Variants in B4GALT6 observed in about 807,000 individuals in gnomAD.
The protein encoded by B4GALT6 is UDP-Gal:beta-GlcNAc beta-1,4-galactosyltransferase 6.
A neutral mutation model predicts 46.3 loss-of-function variants in B4GALT6; 14 were observed. The observed-to-expected ratio is 0.30, with a 90% confidence interval of 0.20 to 0.47. The LOEUF (loss-of-function observed/expected upper bound fraction) is 0.47, where lower values mean the gene tolerates loss of function less well. Among genes scored for constraint, B4GALT6 ranks in the 20% least tolerant of loss-of-function variants. The pLI is 0.99. For synonymous variants in B4GALT6, 168 were observed against 162.0 expected (o/e 1.04, Z -0.28); for missense variants, 386 against 480.1 (o/e 0.80, Z 1.83).
At chr18:31,694,866 A>G in the B4GALT6 span, among the ~76,000 whole-genome samples, 1 of 152,230 alleles carries the variant, frequency 6.6e-6, no homozygotes, top group African/African-American at 2.4e-5. Flanking sequence ...CATACTAGTT[A>G]TCCCAGACCC....
chr18:31,689,707 G>A (rs543096843), upstream of B4GALT6, among the ~76,000 whole-genome samples: 95 of 152,214 alleles, frequency 6.2e-4, 1 homozygote, highest in South Asian at 0.012. Context: ...TCACACCACC[G>A]CACTCCATCC....
At chr18:31,702,296 A>T in the B4GALT6 span, among the ~76,000 whole-genome samples, 6 of 152,344 alleles carry the variant, frequency 3.9e-5, no homozygotes, top group East Asian at 7.7e-4. Context: ...CCTGCAGTTA[A>T]CACTTATATA....
chr18:31,702,196 C>T, the B4GALT6 span, among the ~76,000 whole-genome samples: 1 of 152,228 alleles, frequency 6.6e-6, no homozygotes, highest in African/African-American at 2.4e-5. Context: ...TAGACTAATA[C>T]AGACCTCTAA....
chr18:31,652,289 T>C (rs953266986), intron 3 of B4GALT6, among the ~76,000 whole-genome samples: 2 of 152,174 alleles, frequency 1.3e-5, no homozygotes, highest in African/African-American at 4.8e-5. Context: ...ACTGAATTCG[T>C]GCTTGCTGTG....
At chr18:31,677,359 A>C (rs1442996821) in intron 1 of B4GALT6, among the ~76,000 whole-genome samples, 1 of 152,212 alleles carries the variant, frequency 6.6e-6, no homozygotes, top group African/African-American at 2.4e-5. Flanking sequence ...TGCTAAAACC[A>C]AAAACAATTA....
In B4GALT6 at chr18:31,623,056, C is replaced by T. The variant is rs796444617; in HGVS notation, c.*2558G>A. The T allele has an allele frequency of 1.3e-5, 2 of 152,022 alleles. No homozygotes were observed. The highest frequency in any genetic ancestry group is 2.4e-5 in the African/African-American group (1 of 41,432). The allele number at this position is 152,022 out of a possible 1,614,324, so 9.4% of individuals were successfully genotyped here. A position where few individuals can be genotyped will look rare whatever the true frequency, so the allele number is the denominator to read the frequency against. ...AGAAAGATCTCAATTTGCTTGACTT[C>T]ATTTGTTTAGAAATGAAGTAATAAT... On this transcript the variant is annotated 3_prime_UTR_variant, in exon 9 of 9. Coordinates refer to ENST00000306851, the MANE Select transcript of B4GALT6 (RefSeq NM_004775.5).
At chr18:31,659,152 G>GA (rs2074180490) in intron 2 of B4GALT6, among the ~76,000 whole-genome samples, 1 of 152,170 alleles carries the variant, frequency 6.6e-6, no homozygotes, top group Non-Finnish European at 1.5e-5. Context: ...TACAGAAAGT[G>GA]AAACTCTAGC....
chr18:31,638,556 C>T, intron 5 of B4GALT6, 88 bp downstream of exon 5: 1 of 1,114,222 alleles, frequency 9.0e-7, no homozygotes, highest in East Asian at 2.4e-5. Context: ...TCAGACTTAC[C>T]TTATTAATCC....
intron 1 of B4GALT6, among the ~76,000 whole-genome samples, chr18:31,666,650 T>A (rs1017590918): frequency 6.6e-6 from 1 of 152,188 alleles, no homozygotes; most frequent in Non-Finnish European, 1.5e-5. Context: ...AACCCCCACA[T>A]CTGTGATTTT....
At chr18:31,706,236 A>G in the B4GALT6 span, among the ~76,000 whole-genome samples, 2 of 152,166 alleles carry the variant, frequency 1.3e-5, no homozygotes, top group South Asian at 4.1e-4. Flanking sequence ...TATATTCATA[A>G]TACATACAGG....
intron 1 of B4GALT6, among the ~76,000 whole-genome samples, chr18:31,683,332 C>A (rs986115346): frequency 6.6e-6 from 1 of 152,154 alleles, no homozygotes; most frequent in Non-Finnish European, 1.5e-5. Context: ...ACAAAGAGCA[C>A]TGGCTCAAAC....
rs2074462591 is a variant in B4GALT6 at position 31,680,074 on chromosome 18, G to C, written c.115+4238C>G. 1.3e-5 allele frequency among the ~76,000 whole-genome samples: 2 copies of C among 152,202 alleles called. 1 individual carries two copies. The highest frequency in any genetic ancestry group is 4.1e-4 in the South Asian group (2 of 4,824). On this transcript the variant is annotated intron_variant, in intron 1 of 8. Transcript: ENST00000306851. Reference sequence around the variant, plus strand: ...AAAGCATGGGACATGTGGCCAGTAAGGGAGGCCCAGAAAAAAGAGATGCCC... The same window carrying C: ...AAAGCATGGGACATGTGGCCAGTAACGGAGGCCCAGAAAAAAGAGATGCCC...
At chr18:31,718,728 C>A in the B4GALT6 span, among the ~76,000 whole-genome samples, 3 of 152,198 alleles carry the variant, frequency 2.0e-5, no homozygotes, top group Admixed American at 6.5e-5. Flanking sequence ...CCAGGAAGGG[C>A]ACTGATTCCT....
At chr18:31,710,560 A>G in the B4GALT6 span, among the ~76,000 whole-genome samples, 1 of 152,116 alleles carries the variant, frequency 6.6e-6, no homozygotes, top group Non-Finnish European at 1.5e-5. Flanking sequence ...AGTGCCAAGG[A>G]CTGCCAACAG....
chr18:31,721,466 A>G, the B4GALT6 span, among the ~76,000 whole-genome samples: 1 of 152,260 alleles, frequency 6.6e-6, no homozygotes, highest in Non-Finnish European at 1.5e-5. Flanking sequence ...AACTTACAAA[A>G]AAAATAATGT....
chr18:31,663,691 C>T (rs1225492661), intron 2 of B4GALT6, among the ~76,000 whole-genome samples: 1 of 152,108 alleles, frequency 6.6e-6, no homozygotes, highest in African/African-American at 2.4e-5. Context: ...ACCTTATAGG[C>T]CATTATCTTC....
the B4GALT6 span, among the ~76,000 whole-genome samples, chr18:31,696,145 T>G: frequency 6.6e-6 from 1 of 152,178 alleles, no homozygotes; most frequent in Non-Finnish European, 1.5e-5. Flanking sequence ...ACAAAAATCA[T>G]GGGCACATGG....
At chr18:31,677,157 G>C (rs1395769091) in intron 1 of B4GALT6, among the ~76,000 whole-genome samples, 2 of 152,032 alleles carry the variant, frequency 1.3e-5, no homozygotes, top group African/African-American at 2.4e-5. Flanking sequence ...CAAGCAAAAA[G>C]CCATACTACA....
At chr18:31,719,921 T>C in the B4GALT6 span, among the ~76,000 whole-genome samples, 1 of 152,162 alleles carries the variant, frequency 6.6e-6, no homozygotes, top group Admixed American at 6.5e-5. Flanking sequence ...TGATGTTATC[T>C]CCAGGAGCAA....
Sources: allele counts gnomAD v4.1 joint callset (sites outside exome capture counted in the v4.1 genomes callset), GRCh38; gene constraint gnomAD v4.1.1; transcripts MANE v1.5; gene names NCBI Gene and HGNC (gene_info 2026-07-23, HGNC 2026-07-21).